HECW1: variants seen among roughly 807,000 people sequenced by gnomAD.
The protein encoded by HECW1 is HECT, C2 and WW domain containing E3 ubiquitin protein ligase 1, also known as E3 ubiquitin-protein ligase HECW1.
A neutral mutation model predicts 182.3 loss-of-function variants in HECW1; 61 were observed. The ratio of observed to expected loss-of-function variants is 0.33; its 90% CI spans 0.27 to 0.41. The LOEUF (loss-of-function observed/expected upper bound fraction) is 0.41. HECW1 is among the 10% of genes least tolerant of loss of function. The pLI is 1.00. For synonymous variants in HECW1, 859 were observed against 832.6 expected, an observed-to-expected ratio of 1.03 and a Z score of -0.55; for missense variants, 1,739 against 2,108.9, an observed-to-expected ratio of 0.82 and a Z score of 3.44.
At chr7:43,266,287 G>C (rs1244827657) in intron 3 of HECW1, among the ~76,000 whole-genome samples, 1 of 152,104 alleles carries the variant, frequency 6.6e-6, no homozygotes, top group African/African-American at 2.4e-5. Flanking sequence ...CTGATTATGA[G>C]TAACAAAAGA....
chr7:43,191,832 GTAGAA>G (rs1287466496), intron 2 of HECW1, among the ~76,000 whole-genome samples: 9 of 152,198 alleles, frequency 5.9e-5, no homozygotes, highest in Non-Finnish European at 2.9e-5. Flanking sequence ...ATATTATGCA[GTAGAA>G]TAGGAGGACT....
intron 5 of HECW1, among the ~76,000 whole-genome samples, chr7:43,328,028 G>C (rs754933350): frequency 8.7e-5 from 13 of 149,946 alleles, no homozygotes; most frequent in African/African-American, 3.2e-4. Context: ...ATGATAAAAC[G>C]GATTTGGGGC....
At chr7:43,435,352 G>A (rs1417736171) in intron 8 of HECW1, among the ~76,000 whole-genome samples, 1 of 152,140 alleles carries the variant, frequency 6.6e-6, no homozygotes, top group African/African-American at 2.4e-5. Context: ...TTTTAGAGTA[G>A]TACCTATTCC....
chr7:43,350,047 G>A (rs1231180063), intron 5 of HECW1, among the ~76,000 whole-genome samples: 1 of 152,170 alleles, frequency 6.6e-6, no homozygotes, highest in African/African-American at 2.4e-5. Flanking sequence ...AGTTCTTGTA[G>A]TGGTGGTTTG....
chr7:43,514,990 A>G (rs575060335), intron 24 of HECW1, among the ~76,000 whole-genome samples: 1 of 152,342 alleles, frequency 6.6e-6, no homozygotes, highest in East Asian at 1.9e-4. Context: ...AGTCAGATAT[A>G]TAATTGGTCA....
chr7:43,468,069 G>A (rs1028472138), intron 15 of HECW1, among the ~76,000 whole-genome samples: 9 of 151,746 alleles, frequency 5.9e-5, no homozygotes, highest in South Asian at 2.1e-4. Flanking sequence ...CCGTCTACAC[G>A]TGGTCTGTCC....
intron 2 of HECW1, among the ~76,000 whole-genome samples, chr7:43,222,672 A>G (rs1042972745): frequency 2.0e-4 from 31 of 152,288 alleles, no homozygotes; most frequent in African/African-American, 7.0e-4. Flanking sequence ...CAAATTATTC[A>G]ATTAGTCTGG....
chr7:43,466,813 G>A (rs1023568708), intron 15 of HECW1, among the ~76,000 whole-genome samples: 4 of 152,142 alleles, frequency 2.6e-5, no homozygotes, highest in African/African-American at 9.7e-5. Context: ...GTCAGTGAAA[G>A]TGCTTTGGAA....
chr7:43,437,430 A>G (rs1421420864), intron 8 of HECW1, among the ~76,000 whole-genome samples: 1 of 152,226 alleles, frequency 6.6e-6, no homozygotes, highest in Admixed American at 6.5e-5. Flanking sequence ...AAATTAATCC[A>G]GAAGGAAAAT....
At chr7:43,467,921 G>C (rs1440456878) in intron 15 of HECW1, among the ~76,000 whole-genome samples, 1 of 152,110 alleles carries the variant, frequency 6.6e-6, no homozygotes, top group Non-Finnish European at 1.5e-5. Context: ...AGAAGCCTGT[G>C]GGATGCCCTG....
In HECW1 at chr7:43,519,693, T is replaced by A. The variant is rs143098305; in HGVS notation, c.4019+10572T>A. 2.2e-4 allele frequency among the ~76,000 whole-genome samples: 33 copies of A among 152,286 alleles called. No individual in the cohort carries two copies. The East Asian group carries it at 5.2e-3, about 24-fold the overall frequency. The stretch of plus-strand genomic sequence containing the variant: ...TAAATGTATTACAGCAGATCCACAC[T>A]GCACAGTCATATGAGGCATAAAAAA... On this transcript the variant is annotated intron_variant, in intron 24 of 29. Coordinates refer to ENST00000395891, the MANE Select transcript of HECW1 (RefSeq NM_015052.5).
At chr7:43,492,932 A>C (rs2078984656) in intron 18 of HECW1, 152 bp from the exon 19 acceptor site, 7 of 549,104 alleles carry the variant, frequency 1.3e-5, no homozygotes, top group Non-Finnish European at 2.3e-5. Flanking sequence ...ATATTTTAAA[A>C]ACTCTCAAGA....
chr7:43,301,061 C>A (rs1806705886), intron 3 of HECW1, among the ~76,000 whole-genome samples: 1 of 152,150 alleles, frequency 6.6e-6, no homozygotes, highest in Non-Finnish European at 1.5e-5. Context: ...TTGCTCTCCC[C>A]CTCATTGCTG....
In HECW1 at chr7:43,562,161, T is replaced by TA; in HGVS notation, c.*241dup. On this transcript the variant is annotated 3_prime_UTR_variant, in exon 30 of 30. Coordinates refer to ENST00000395891, the MANE Select transcript of HECW1 (RefSeq NM_015052.5). ...TGAACTGCTAGCCTGTATGCAATAT[T>TA]AAAAAACAGCTGTCTCAAGGTCTGT... 1 of 460,152 alleles carries TA rather than the reference T, an allele frequency of 2.2e-6. No individual in the cohort carries two copies. The highest frequency in any genetic ancestry group is 3.9e-5 in the Admixed American group (1 of 25,576). The allele number at this position is 460,152 out of a possible 1,614,324, so 28.5% of individuals were successfully genotyped here. A position where few individuals can be genotyped will look rare whatever the true frequency, so the allele number is the denominator to read the frequency against.
chr7:43,466,558 A>G lies in HECW1; in HGVS notation c.2903A>G (p.His968Arg). ...ITNPEFFTVL[H>R]ANYSAYRVFT... ...AACCCCGAGTTCTTCACTGTGCTAC[A>G]TGCCAATTATGTGAGTGCCCTAAAA... The change falls in exon 15 of 30, where the codon CAT (histidine) becomes CGT (arginine). Residue 968 changes from histidine to arginine, a missense_variant. Physicochemically the swap from His to Arg is conservative, Grantham distance 29. Around this residue, in one of 5 missense-constraint regions of HECW1, gnomAD observed 971 missense variants for 1,029.1 expected, o/e 0.94. Coordinates refer to ENST00000395891, the MANE Select transcript of HECW1 (RefSeq NM_015052.5). 3.1e-6 allele frequency: 5 copies of G among 1,613,620 alleles called. No homozygotes were observed. The highest frequency in any genetic ancestry group is 4.2e-6 in the Non-Finnish European group (5 of 1,179,880).
At chr7:43,291,661 GA>G (rs1436236449) in intron 3 of HECW1, among the ~76,000 whole-genome samples, 3 of 152,156 alleles carry the variant, frequency 2.0e-5, no homozygotes, top group Non-Finnish European at 4.4e-5. Context: ...AGGAAACTTT[GA>G]AGAGGAAACT....
intron 12 of HECW1, 58 bp from the exon 13 acceptor site, chr7:43,456,239 T>C: frequency 1.3e-6 from 2 of 1,534,870 alleles, no homozygotes; most frequent in Non-Finnish European, 1.8e-6. Context: ...TGTATGTGTT[T>C]CACGTGGGTC....
intron 8 of HECW1, among the ~76,000 whole-genome samples, chr7:43,410,059 C>T (rs2075748093): frequency 6.6e-6 from 1 of 152,198 alleles, no homozygotes; most frequent in African/African-American, 2.4e-5. Flanking sequence ...CCTGCCACTG[C>T]ACCATCCTTA....
chr7:43,283,918 A>G (rs895274007), intron 3 of HECW1, among the ~76,000 whole-genome samples: 4 of 152,184 alleles, frequency 2.6e-5, no homozygotes, highest in Admixed American at 6.5e-5. Flanking sequence ...ATCTTCCCCC[A>G]GCTGCGGCTG....
Sources: gnomAD v4.1 joint callset for allele counts (sites outside exome capture counted in the v4.1 genomes callset) on GRCh38, gnomAD v4.1.1 for gene constraint, gnomAD v4.1.1 regional missense constraint, MANE v1.5 for transcripts, NCBI Gene and HGNC (gene_info 2026-07-23, HGNC 2026-07-21) for gene names.